TMEM181: variants seen among roughly 807,000 people sequenced by gnomAD.
TMEM181 encodes transmembrane protein 181.
In TMEM181, 39 loss-of-function variants were observed where a neutral mutation model predicts 71.9. The ratio of observed to expected loss-of-function variants is 0.54; its 90% CI spans 0.42 to 0.71. The LOEUF is 0.71. Ranked by LOEUF, TMEM181 falls within the 30% of genes least tolerant of loss-of-function variation. The probability of loss-of-function intolerance (pLI) is 0.00; values close to 1 mark genes in which losing one functional copy is unlikely to be tolerated. For synonymous variants in TMEM181, 245 were observed against 228.8 expected (o/e 1.07, Z -0.64); for missense variants, 595 against 583.0 (o/e 1.02, Z -0.21).
At chr6:158,545,295 A>C (rs1256609764) in intron 1 of TMEM181, among the ~76,000 whole-genome samples, 2 of 152,254 alleles carry the variant, frequency 1.3e-5, no homozygotes. Flanking sequence ...CAGAGGATTT[A>C]TTTGCGACCC....
In TMEM181 at chr6:158,620,727, C is replaced by G. The variant is rs1041839885; in HGVS notation, c.897-2823C>G. On this transcript the variant is annotated intron_variant, in intron 10 of 16. Transcript: ENST00000684151. This position sits in a 1 kb window ranked among gnomAD's most constrained non-coding sequence, Gnocchi z 4.5. Reference sequence around the variant, plus strand: ...GATGGGGTGCATGGCCAGAGACTCTCAGGATCCAGGAGTTAACTCAGGACA... The same window carrying G: ...GATGGGGTGCATGGCCAGAGACTCTGAGGATCCAGGAGTTAACTCAGGACA... Among the ~76,000 whole-genome samples, 7 of 152,180 alleles carry G rather than the reference C, an allele frequency of 4.6e-5. No homozygotes were observed. The highest frequency in any genetic ancestry group is 8.8e-5 in the Non-Finnish European group (6 of 68,036).
intron 1 of TMEM181, among the ~76,000 whole-genome samples, chr6:158,566,445 TTGATGAGGGAGGTGA>T (rs1301671394): frequency 1.6e-5 from 2 of 121,652 alleles, no homozygotes; most frequent in Non-Finnish European, 3.5e-5. Context: ...TGGCGAGGAG[TTGATGAGGGAGGTGA>T]TGGTGAGGGA....
intron 1 of TMEM181, among the ~76,000 whole-genome samples, chr6:158,537,978 A>C (rs1234271145): frequency 6.6e-6 from 1 of 152,166 alleles, no homozygotes; most frequent in Non-Finnish European, 1.5e-5. Flanking sequence ...AATGTAAAAA[A>C]TCATGTGATG....
At chr6:158,588,381 C>T (rs1416310950) in intron 5 of TMEM181, among the ~76,000 whole-genome samples, 1 of 152,208 alleles carries the variant, frequency 6.6e-6, no homozygotes, top group Non-Finnish European at 1.5e-5. Context: ...CTTAGGTCAG[C>T]ACCCCACTGT....
At position 158,545,548 on chromosome 6, in the gene TMEM181, C is replaced by T. The variant is rs554847099; in HGVS notation, c.131+8683C>T. Reference sequence around the variant, plus strand: ...CCAGCTGCTGTGGGATGCAGGGGCACGTGGCGGGTGGGCGTTGTCCTGCCT... The same window carrying T: ...CCAGCTGCTGTGGGATGCAGGGGCATGTGGCGGGTGGGCGTTGTCCTGCCT... On this transcript the variant is annotated intron_variant, in intron 1 of 16. Transcript: ENST00000367090. 9.4e-4 allele frequency among the ~76,000 whole-genome samples: 143 copies of T among 152,324 alleles called. 1 individual carries two copies. The highest frequency in any genetic ancestry group is 5.4e-3 in the South Asian group (26 of 4,834).
intron 16 of TMEM181, 26 bp from the exon 17 acceptor site, chr6:158,631,784 G>A (rs770859873): frequency 1.9e-5 from 30 of 1,578,170 alleles, no homozygotes; most frequent in African/African-American, 1.2e-4. Flanking sequence ...GAAGTTAGAC[G>A]GTCTCAAAGG....
At chr6:158,627,308 A>C (rs1395844777) in intron 13 of TMEM181, among the ~76,000 whole-genome samples, 1 of 152,142 alleles carries the variant, frequency 6.6e-6, no homozygotes, top group Non-Finnish European at 1.5e-5. Flanking sequence ...ATCTCTCTTC[A>C]CATAGGTGTT....
intron 10 of TMEM181, among the ~76,000 whole-genome samples, chr6:158,619,789 C>T (rs1294491868): frequency 6.7e-6 from 1 of 149,654 alleles, no homozygotes; most frequent in Non-Finnish European, 1.5e-5. Context: ...GAATTACTTG[C>T]ACCTGGGAGG....
chr6:158,604,558 C>T (rs964613937), intron 6 of TMEM181, among the ~76,000 whole-genome samples: 1 of 152,162 alleles, frequency 6.6e-6, no homozygotes, highest in Non-Finnish European at 1.5e-5. Flanking sequence ...TGCCCCTGTC[C>T]TCGGCTCCAT....
chr6:158,607,802 T>C lies in TMEM181; in HGVS notation c.673+459T>C, dbSNP rs78629818. Among the ~76,000 whole-genome samples, 316 of 152,342 alleles carry C rather than the reference T, an allele frequency of 2.1e-3. 6 individuals carry two copies. The East Asian group carries it at 0.054, about 26-fold the overall frequency. On this transcript the variant is annotated intron_variant, in intron 8 of 16. Coordinates refer to ENST00000684151, the MANE Select transcript of TMEM181 (RefSeq NM_001376852.1). ...CCCCAGGAGCCATGTTCCACCGAGC[T>C]GGGGCAGATGCCTGGCTCTCTAACA...
intron 11 of TMEM181, among the ~76,000 whole-genome samples, chr6:158,624,344 AT>A (rs1786146580): frequency 6.6e-6 from 1 of 152,130 alleles, no homozygotes; most frequent in Non-Finnish European, 1.5e-5. Flanking sequence ...TTTGAGAAAA[AT>A]GATCCCGATT....
intron 6 of TMEM181, 67 bp from the exon 7 acceptor site, chr6:158,605,200 T>C: frequency 8.6e-7 from 1 of 1,160,610 alleles, no homozygotes; most frequent in South Asian, 1.2e-5. Context: ...CTATTAGTAA[T>C]CTGGTGTATT....
At chr6:158,598,192 C>T (rs1166493751) in intron 6 of TMEM181, among the ~76,000 whole-genome samples, 3 of 152,242 alleles carry the variant, frequency 2.0e-5, no homozygotes, top group African/African-American at 7.2e-5. Context: ...CTGTTCTTTT[C>T]TCCTGAGATT....
At chr6:158,552,865 T>G (rs1781761723) in intron 1 of TMEM181, among the ~76,000 whole-genome samples, 1 of 152,022 alleles carries the variant, frequency 6.6e-6, no homozygotes, top group Non-Finnish European at 1.5e-5. Flanking sequence ...CTAGAGAAAT[T>G]AAGTGGCTTT....
chr6:158,617,505 C>A (rs928121871), intron 10 of TMEM181, among the ~76,000 whole-genome samples: 1 of 151,970 alleles, frequency 6.6e-6, no homozygotes, highest in Non-Finnish European at 1.5e-5. Context: ...TTAGTTATTT[C>A]TTGCCTTCTG....
chr6:158,599,082 T>C (rs1784535079), intron 6 of TMEM181, among the ~76,000 whole-genome samples: 1 of 152,232 alleles, frequency 6.6e-6, no homozygotes, highest in Admixed American at 6.5e-5. Context: ...GGTCTGTTTC[T>C]GTGGTTGTCC....
upstream of TMEM181, chr6:158,560,012 G>GCCCCGCTTCCACCGCGCCGCGC: frequency 1.0e-6 from 1 of 982,280 alleles, no homozygotes; most frequent in Non-Finnish European, 1.2e-6. Context: ...CGCGCCCGCG[G>GCCCCGCTTCCACCGCGCCGCGC]CCCCGCTTCC....
intron 4 of TMEM181, among the ~76,000 whole-genome samples, chr6:158,584,636 A>G (rs1184787233): frequency 6.6e-6 from 1 of 152,334 alleles, no homozygotes; most frequent in East Asian, 1.9e-4. Context: ...AGATAACCAA[A>G]TCCTTTTCTG....
chr6:158,563,970 G>A (rs1782340010), intron 1 of TMEM181, among the ~76,000 whole-genome samples: 1 of 152,134 alleles, frequency 6.6e-6, no homozygotes, highest in Admixed American at 6.5e-5. Context: ...TAGGGACACG[G>A]TTTTGCCATG....
Sources: gnomAD v4.1 joint callset for allele counts (sites outside exome capture counted in the v4.1 genomes callset) on GRCh38, gnomAD v4.1.1 for gene constraint, Gnocchi (gnomAD v3.1) non-coding constraint, MANE v1.5 for transcripts, NCBI Gene and HGNC (gene_info 2026-07-23, HGNC 2026-07-21) for gene names.